The following RPS6KA5 variants were observed in gnomAD, a reference collection of about 807,000 sequenced individuals.
The protein encoded by RPS6KA5 is ribosomal protein S6 kinase alpha-5.
A neutral mutation model predicts 85.5 loss-of-function variants in RPS6KA5; 27 were observed. The observed-to-expected ratio is 0.32, with a 90% CI of 0.23 to 0.44. The LOEUF is 0.44. Ranked by LOEUF, RPS6KA5 falls within the 20% of genes least tolerant of loss-of-function variation. RPS6KA5 has a pLI of 1.00. For synonymous variants in RPS6KA5, 334 were observed against 348.2 expected (o/e 0.96, Z 0.46); for missense variants, 811 against 980.9 (o/e 0.83, Z 2.31).
chr14:90,929,995 CG>C lies in RPS6KA5; in HGVS notation c.619-6800del, dbSNP rs529673272. On this transcript the variant is annotated intron_variant, in intron 5 of 16. Coordinates refer to ENST00000614987, the MANE Select transcript of RPS6KA5 (RefSeq NM_004755.4). ...AAGTGAACCTTCTGCCTCAGCTTCC[CG>C]AGCAGCTGGGACTAAAGGCATGCAC... is the stretch of plus-strand genomic sequence containing the variant. 4.8e-3 allele frequency among the ~76,000 whole-genome samples: 724 copies of C among 152,146 alleles called. 4 individuals carry two copies. The highest frequency in any genetic ancestry group is 7.1e-3 in the Non-Finnish European group (484 of 67,988).
At chr14:91,043,497 T>C (rs559192461) in intron 1 of RPS6KA5, among the ~76,000 whole-genome samples, 1 of 152,316 alleles carries the variant, frequency 6.6e-6, no homozygotes, top group African/African-American at 2.4e-5. Context: ...ACTTCTTGAG[T>C]AACCCTGAAC....
intron 2 of RPS6KA5, among the ~76,000 whole-genome samples, chr14:90,988,744 C>A (rs1282700966): frequency 6.6e-6 from 1 of 152,132 alleles, no homozygotes; most frequent in South Asian, 2.1e-4. Flanking sequence ...ATCCGGGAGG[C>A]GGAGGTTGCA....
Position 90,902,211 on chromosome 14 carries a change from G to A in RPS6KA5, c.1119+597C>T, listed in dbSNP as rs563959711. On this transcript the variant is annotated intron_variant, in intron 9 of 16. Coordinates refer to ENST00000614987, the MANE Select transcript of RPS6KA5 (RefSeq NM_004755.4). ...AAAAAAAAAATTTTTTTGGCTGGAC[G>A]TGGTGGCTCATGCCTGTAATGCCAG... Among the ~76,000 whole-genome samples, 25 of 147,050 alleles carry A rather than the reference G, an allele frequency of 1.7e-4. No homozygotes were observed. In the South Asian group the frequency reaches 3.9e-3, roughly 23 times the overall value.
chr14:90,958,616 A>G (rs1415825680), intron 3 of RPS6KA5, among the ~76,000 whole-genome samples: 2 of 152,128 alleles, frequency 1.3e-5, no homozygotes, highest in Admixed American at 1.3e-4. Context: ...TGTGTTTTAA[A>G]AGAATATATC....
At chr14:90,957,176 C>T (rs767519044) in intron 3 of RPS6KA5, among the ~76,000 whole-genome samples, 6 of 151,896 alleles carry the variant, frequency 4.0e-5, no homozygotes, top group South Asian at 2.1e-4. Context: ...GCGATTCTTG[C>T]GCCTCAGCCT....
rs1309003303 is a variant in RPS6KA5 at position 90,873,631 on chromosome 14, C to T, written c.2160+1G>A. On this transcript the variant is annotated splice_donor_variant, in intron 16 of 16. Coordinates refer to ENST00000614987, the MANE Select transcript of RPS6KA5 (RefSeq NM_004755.4). LOFTEE classifies it high-confidence loss of function. The stretch of plus-strand genomic sequence containing the variant: ...AACATGTACAGAGCACAGGGCCTTA[C>T]GTGGAAGGTTGCTTTCACACAGGTA... 1 of 1,613,482 alleles carries T rather than the reference C, an allele frequency of 6.2e-7. No homozygotes were observed. The highest frequency in any genetic ancestry group is 8.5e-7 in the Non-Finnish European group (1 of 1,179,598).
chr14:91,028,756 G>C (rs2042076411), intron 1 of RPS6KA5, among the ~76,000 whole-genome samples: 1 of 148,556 alleles, frequency 6.7e-6, no homozygotes, highest in African/African-American at 2.5e-5. Flanking sequence ...CTGACCTCGT[G>C]ATCTGCCCGC....
chr14:90,909,778 T>C (rs1364839749), intron 7 of RPS6KA5, among the ~76,000 whole-genome samples: 2 of 152,160 alleles, frequency 1.3e-5, no homozygotes, highest in Non-Finnish European at 2.9e-5. Context: ...CAAGCTTATA[T>C]AAAAACTTGA....
intron 1 of RPS6KA5, among the ~76,000 whole-genome samples, chr14:91,029,639 C>T (rs961759415): frequency 1.3e-5 from 2 of 152,264 alleles, no homozygotes; most frequent in South Asian, 2.1e-4. Flanking sequence ...TAAAATAAGA[C>T]TGCTAATGGT....
Position 91,040,277 on chromosome 14 carries a change from G to A in RPS6KA5, c.103+20055C>T, listed in dbSNP as rs548610169. 1.7e-4 allele frequency among the ~76,000 whole-genome samples: 26 copies of A among 152,184 alleles called. No individual in the cohort carries two copies. In the South Asian group the frequency reaches 3.3e-3, roughly 19 times the overall value. ...TACAAAAATTAGTGGGTGTGGTGGC[G>A]CATGCCTGTAATCCCAGCTACTTGG... On this transcript the variant is annotated intron_variant, in intron 1 of 16. Coordinates refer to ENST00000614987, the MANE Select transcript of RPS6KA5 (RefSeq NM_004755.4).
chr14:90,907,861 G>A (rs1158891345), intron 7 of RPS6KA5, among the ~76,000 whole-genome samples: 1 of 152,086 alleles, frequency 6.6e-6, no homozygotes, highest in East Asian at 1.9e-4. Flanking sequence ...CCTGCTTCTT[G>A]GGGAAAAATA....
intron 1 of RPS6KA5, among the ~76,000 whole-genome samples, chr14:91,044,409 GAAAGAAA>G (rs1566902502): frequency 0.018 from 1,460 of 80,476 alleles, 17 homozygotes; most frequent in African/African-American, 0.051. Flanking sequence ...AAGAAAGAAA[GAAAGAAA>G]GAAAGAAAGA....
chr14:91,046,686 G>A (rs956351529), intron 1 of RPS6KA5, among the ~76,000 whole-genome samples: 2 of 152,210 alleles, frequency 1.3e-5, no homozygotes, highest in African/African-American at 4.8e-5. Flanking sequence ...AAACCGCATC[G>A]TACAAAGACA....
intron 1 of RPS6KA5, among the ~76,000 whole-genome samples, chr14:91,008,503 A>G (rs796554218): frequency 1.3e-5 from 2 of 152,354 alleles, no homozygotes; most frequent in Non-Finnish European, 2.9e-5. Context: ...AAGAGTGCCT[A>G]CTAAAGGCCA....
rs770831665 is a variant in RPS6KA5, at chr14:90,978,347, T to G, written c.353A>C (p.His118Pro). The G allele has an allele frequency of 6.2e-7, 1 of 1,613,204 alleles. No homozygotes were observed. The highest frequency in any genetic ancestry group is 8.5e-7 in the Non-Finnish European group (1 of 1,179,780). Reference sequence around the variant, plus strand: ...TTTGGTTTCTGTCTGGAAAGCATAATGTAATGTTACCAAAAATGGCGACTG... The same window carrying G: ...TTTGGTTTCTGTCTGGAAAGCATAAGGTAATGTTACCAAAAATGGCGACTG... ...IRQSPFLVTL[H>P]YAFQTETKLH... The change falls in exon 3 of 17, where the codon CAT becomes CCT. Residue 118 changes from histidine to proline, a missense_variant. Physicochemically the swap from His to Pro is moderately conservative, Grantham distance 77. This residue lies in a region of RPS6KA5 where 48 missense variants were observed against 87.6 expected (regional missense o/e 0.55). Coordinates refer to ENST00000614987, the MANE Select transcript of RPS6KA5 (RefSeq NM_004755.4).
At chr14:90,884,823 T>C (rs1263857100) in intron 14 of RPS6KA5, among the ~76,000 whole-genome samples, 1 of 152,200 alleles carries the variant, frequency 6.6e-6, no homozygotes, top group Non-Finnish European at 1.5e-5. Flanking sequence ...ATATTTCTGT[T>C]GGATATATTC....
intron 1 of RPS6KA5, among the ~76,000 whole-genome samples, chr14:91,053,598 T>C (rs1367922137): frequency 1.3e-5 from 2 of 151,928 alleles, no homozygotes; most frequent in Non-Finnish European, 2.9e-5. Context: ...TACTATAGCA[T>C]CAAAAAATAA....
intron 3 of RPS6KA5, among the ~76,000 whole-genome samples, chr14:90,972,159 T>TA (rs2039348846): frequency 6.6e-6 from 1 of 152,204 alleles, no homozygotes; most frequent in Non-Finnish European, 1.5e-5. Context: ...ACCAATATCA[T>TA]AAAAATGTCA....
chr14:90,925,933 C>A (rs1414406616), intron 5 of RPS6KA5, among the ~76,000 whole-genome samples: 2 of 97,974 alleles, frequency 2.0e-5, no homozygotes, highest in Non-Finnish European at 3.7e-5. Flanking sequence ...TAGAGTGAGA[C>A]CCTGACTCAA....
Sources: allele counts gnomAD v4.1 joint callset (sites outside exome capture counted in the v4.1 genomes callset), GRCh38; gene constraint gnomAD v4.1.1; regional missense constraint gnomAD v4.1.1; transcripts MANE v1.5; gene names NCBI Gene and HGNC (gene_info 2026-07-23, HGNC 2026-07-21).